Variants in UBXN2B observed in about 807,000 individuals in gnomAD.
The protein encoded by UBXN2B is UBX domain-containing protein 2B.
A neutral mutation model predicts 37.5 loss-of-function variants in UBXN2B; 19 were observed. That is an observed-to-expected ratio of 0.51 (90% CI 0.35 to 0.74). UBXN2B has a LOEUF of 0.74. Among genes scored for constraint, UBXN2B ranks in the 30% least tolerant of loss-of-function variants. The pLI, the probability that UBXN2B is intolerant of heterozygous loss-of-function variation, is 0.01. For missense variants in UBXN2B, 370 were observed against 393.2 expected, an observed-to-expected ratio of 0.94 and a Z score of 0.50; for synonymous variants, 145 against 143.8, an observed-to-expected ratio of 1.01 and a Z score of -0.06.
intron 2 of UBXN2B, among the ~76,000 whole-genome samples, chr8:58,417,991 G>A (rs1217082468): frequency 2.6e-5 from 4 of 152,090 alleles, no homozygotes; most frequent in Admixed American, 2.6e-4. Context: ...TGTAATCCCA[G>A]CACTTTAGGT....
At chr8:58,427,314 A>G (rs538759060) in intron 2 of UBXN2B, among the ~76,000 whole-genome samples, 3 of 152,260 alleles carry the variant, frequency 2.0e-5, no homozygotes, top group South Asian at 2.1e-4. Context: ...CTACAAAAAA[A>G]TAGCCAAGCG....
chr8:58,430,731 C>G, intron 3 of UBXN2B, 62 bp downstream of exon 3: 2 of 1,232,448 alleles, frequency 1.6e-6, no homozygotes, highest in Non-Finnish European at 2.1e-6. Context: ...TTTCATTTTT[C>G]TATTATTTGC....
At chr8:58,416,982 A>G (rs1807802079) in intron 2 of UBXN2B, 29 bp downstream of exon 2, 1 of 1,539,846 alleles carries the variant, frequency 6.5e-7, no homozygotes, top group Admixed American at 1.9e-5. Context: ...TGTTGTAAAA[A>G]GAAATTATAA....
chr8:58,431,111 C>A lies in UBXN2B; in HGVS notation c.339+442C>A, dbSNP rs186860656. 6.4e-4 allele frequency among the ~76,000 whole-genome samples: 98 copies of A among 152,312 alleles called. 3 individuals are homozygous for A. The East Asian group carries it at 0.019, about 29-fold the overall frequency. On this transcript the variant is annotated intron_variant, in intron 3 of 7. Coordinates refer to ENST00000399598, the MANE Select transcript of UBXN2B (RefSeq NM_001077619.2). The stretch of plus-strand genomic sequence containing the variant: ...TCATAGCCTACCATTTGCACTCACA[C>A]CCACCCCGTCTCTCATGCCATCCCT...
At chr8:58,430,917 G>C (rs1563462240) in intron 3 of UBXN2B, among the ~76,000 whole-genome samples, 2 of 152,072 alleles carry the variant, frequency 1.3e-5, no homozygotes, top group African/African-American at 4.8e-5. Flanking sequence ...TTTGCAAAAA[G>C]AATACAGGGA....
chr8:58,412,143 T>A (rs547619067), intron 1 of UBXN2B, among the ~76,000 whole-genome samples: 2 of 152,246 alleles, frequency 1.3e-5, no homozygotes, highest in African/African-American at 4.8e-5. Flanking sequence ...TTAGGCGTTT[T>A]TGTGTCTCAT....
intron 2 of UBXN2B, chr8:58,424,525 G>A (rs1808021630): frequency 1.3e-6 from 1 of 784,616 alleles, no homozygotes; most frequent in South Asian, 1.6e-5. Flanking sequence ...GCGAAAGTTT[G>A]ATCTTTTTAG....
intron 2 of UBXN2B, among the ~76,000 whole-genome samples, chr8:58,430,196 C>T (rs953939869): frequency 2.0e-5 from 3 of 152,172 alleles, no homozygotes; most frequent in Non-Finnish European, 4.4e-5. Flanking sequence ...TTTCCTTCTA[C>T]ATCAGAAGTG....
chr8:58,423,048 G>A (rs775139543), intron 2 of UBXN2B, among the ~76,000 whole-genome samples: 8 of 151,822 alleles, frequency 5.3e-5, no homozygotes, highest in Non-Finnish European at 1.2e-4. Flanking sequence ...GTAAGTAGAG[G>A]GCATACTCCA....
At chr8:58,442,656 G>A (rs1447183764) in intron 6 of UBXN2B, among the ~76,000 whole-genome samples, 1 of 152,150 alleles carries the variant, frequency 6.6e-6, no homozygotes, top group Non-Finnish European at 1.5e-5. Flanking sequence ...ATATAAAACT[G>A]CAAATTTGCA....
intron 6 of UBXN2B, 150 bp downstream of exon 6, chr8:58,439,920 A>T: frequency 1.6e-6 from 1 of 608,468 alleles, no homozygotes; most frequent in Non-Finnish European, 2.6e-6. Flanking sequence ...TCATAATATT[A>T]TATCATGTGA....
intron 2 of UBXN2B, among the ~76,000 whole-genome samples, chr8:58,420,703 C>T (rs942045603): frequency 5.9e-5 from 9 of 152,122 alleles, no homozygotes; most frequent in African/African-American, 2.2e-4. Flanking sequence ...AGGATGAAAA[C>T]TTGTCAAAAT....
At chr8:58,424,782 T>G in intron 2 of UBXN2B, 3 of 1,445,382 alleles carry the variant, frequency 2.1e-6, no homozygotes, top group Non-Finnish European at 2.9e-6. Flanking sequence ...TCTGCTCTTC[T>G]TCAATCCTGC....
At chr8:58,411,875 A>T (rs1297675910) in intron 1 of UBXN2B, among the ~76,000 whole-genome samples, 1 of 152,074 alleles carries the variant, frequency 6.6e-6, no homozygotes, top group African/African-American at 2.4e-5. Context: ...TTTGTCTTGG[A>T]TGCTATTTCT....
intron 2 of UBXN2B, chr8:58,426,383 A>G: frequency 2.0e-6 from 1 of 493,294 alleles, no homozygotes; most frequent in African/African-American, 2.0e-5. Flanking sequence ...ATTTTTTTGT[A>G]TTTTTTAGTA....
rs7010273 is a variant in UBXN2B at position 58,446,137 on chromosome 8, G to C, written c.833+69G>C. On this transcript the variant is annotated intron_variant, in intron 7 of 7. Transcript: ENST00000399598. ...CTGGATTGCTTATCTAAGTAGAACT[G>C]TATGTGACTTGAGTAATGAAGAATA... The C allele has an allele frequency of 6.3e-4, 895 of 1,412,588 alleles. 7 individuals are homozygous for C. The African/African-American group carries it at 0.011, about 18-fold the overall frequency. The allele number at this position is 1,412,588 out of a possible 1,614,324, so 87.5% of individuals were successfully genotyped here.
chr8:58,433,044 C>G (rs1336099914), intron 3 of UBXN2B, 116 bp from the exon 4 acceptor site: 1 of 727,682 alleles, frequency 1.4e-6, no homozygotes, highest in Non-Finnish European at 2.2e-6. Flanking sequence ...TGAAGGCTCC[C>G]CAGTATGAGC....
chr8:58,425,343 C>T, intron 2 of UBXN2B: 1 of 1,153,416 alleles, frequency 8.7e-7, no homozygotes, highest in Non-Finnish European at 1.3e-6. Flanking sequence ...GGAATACCAT[C>T]CGCCAAAAGT....
In UBXN2B at chr8:58,447,645, T is replaced by A; in HGVS notation, c.*94T>A. On this transcript the variant is annotated 3_prime_UTR_variant, in exon 8 of 8. Coordinates refer to ENST00000399598, the MANE Select transcript of UBXN2B (RefSeq NM_001077619.2). ...AGCATTAAAAACAGCCAAATTATTT[T>A]TATTATTTTTACAGATAAATTTTGG... 8.3e-7 allele frequency: 1 copy of A among 1,210,688 alleles called. No individual in the cohort carries two copies. The allele number at this position is 1,210,688 out of a possible 1,614,324, so 75.0% of individuals were successfully genotyped here.
Sources: gnomAD v4.1 joint callset for allele counts (sites outside exome capture counted in the v4.1 genomes callset) on GRCh38, gnomAD v4.1.1 for gene constraint, MANE v1.5 for transcripts, NCBI Gene and HGNC (gene_info 2026-07-23, HGNC 2026-07-21) for gene names.